CDH13: variants seen among roughly 807,000 people sequenced by gnomAD.
The protein encoded by CDH13 is cadherin-13.
CDH13 carries 24 observed loss-of-function variants against 63.8 expected under a neutral mutation model. That is an observed-to-expected ratio of 0.38 (90% CI 0.27 to 0.53). The LOEUF (loss-of-function observed/expected upper bound fraction) is 0.53, where lower values mean the gene tolerates loss of function less well. CDH13 is among the 20% of genes least tolerant of loss of function. The pLI is 0.85. For missense variants in CDH13, 1,049 were observed against 903.1 expected (o/e 1.16, Z -2.07); for synonymous variants, 503 against 355.3 (o/e 1.42, Z -4.67).
intron 2 of CDH13, among the ~76,000 whole-genome samples, chr16:82,876,202 A>G (rs76345428): frequency 0.043 from 6,544 of 152,290 alleles, 179 homozygotes; most frequent in Middle Eastern, 0.14. Context: ...AAACCATATC[A>G]TGTCCTACAG....
chr16:83,304,166 G>C (rs887927156), intron 5 of CDH13, among the ~76,000 whole-genome samples: 2 of 152,158 alleles, frequency 1.3e-5, no homozygotes, highest in African/African-American at 4.8e-5. Context: ...GTGAGGGCTG[G>C]ATTATGAAGA....
At chr16:83,294,403 A>G (rs952710558) in intron 5 of CDH13, among the ~76,000 whole-genome samples, 6 of 151,830 alleles carry the variant, frequency 4.0e-5, no homozygotes, top group Admixed American at 2.0e-4. Context: ...AATTCCCTGC[A>G]ACCACCCCAG....
At chr16:83,146,821 C>T (rs1051730422) in intron 4 of CDH13, among the ~76,000 whole-genome samples, 3 of 152,192 alleles carry the variant, frequency 2.0e-5, no homozygotes, top group Non-Finnish European at 2.9e-5. Context: ...AGCATGGTGG[C>T]TCACGCCTGT....
intron 5 of CDH13, among the ~76,000 whole-genome samples, chr16:83,335,645 G>A (rs1226167821): frequency 6.6e-6 from 1 of 152,116 alleles, no homozygotes; most frequent in East Asian, 1.9e-4. Flanking sequence ...CACACCCTGG[G>A]CCTTGTAGTT....
chr16:83,442,443 A>G (rs193144453), intron 6 of CDH13, among the ~76,000 whole-genome samples: 52 of 152,346 alleles, frequency 3.4e-4, no homozygotes, highest in African/African-American at 1.2e-3. Context: ...ATCCTTGGCC[A>G]GTATCTTTCT....
At chr16:83,243,888 T>A (rs1201843958) in intron 5 of CDH13, among the ~76,000 whole-genome samples, 3 of 152,186 alleles carry the variant, frequency 2.0e-5, no homozygotes, top group East Asian at 3.9e-4. Flanking sequence ...TAGATTTGGA[T>A]CTTTTAAAAG....
At chr16:82,733,178 C>T (rs1457709853) in intron 1 of CDH13, among the ~76,000 whole-genome samples, 1 of 152,196 alleles carries the variant, frequency 6.6e-6, no homozygotes, top group African/African-American at 2.4e-5. Flanking sequence ...TGTGTCCTCA[C>T]ATTGGCTGGC....
intron 2 of CDH13, among the ~76,000 whole-genome samples, chr16:82,960,989 G>T (rs966654132): frequency 6.6e-6 from 1 of 152,144 alleles, no homozygotes; most frequent in East Asian, 1.9e-4. Flanking sequence ...GTTCCACATT[G>T]GGTTCTGCCT....
At chr16:83,513,102 C>G (rs1049452858) in intron 7 of CDH13, among the ~76,000 whole-genome samples, 11 of 151,600 alleles carry the variant, frequency 7.3e-5, no homozygotes, top group African/African-American at 2.7e-4. Flanking sequence ...GAAAACAATT[C>G]AAGAATTGTC....
chr16:83,536,721 C>T (rs1315393348), intron 7 of CDH13, among the ~76,000 whole-genome samples: 1 of 152,078 alleles, frequency 6.6e-6, no homozygotes. Flanking sequence ...GAGAAATGTC[C>T]ACTAGGGGAC....
At chr16:83,347,941 C>T (rs2090873094) in intron 6 of CDH13, among the ~76,000 whole-genome samples, 1 of 152,122 alleles carries the variant, frequency 6.6e-6, no homozygotes, top group Non-Finnish European at 1.5e-5. Context: ...CCTGTAATCC[C>T]AGTACTTTGG....
At chr16:83,304,228 C>T (rs991530322) in intron 5 of CDH13, among the ~76,000 whole-genome samples, 1 of 152,004 alleles carries the variant, frequency 6.6e-6, no homozygotes, top group Non-Finnish European at 1.5e-5. Context: ...ACTGGGAACA[C>T]GCTGAAATAT....
At chr16:82,814,871 T>G (rs2037626297) in intron 1 of CDH13, among the ~76,000 whole-genome samples, 1 of 152,068 alleles carries the variant, frequency 6.6e-6, no homozygotes, top group Non-Finnish European at 1.5e-5. Context: ...TATCTCCAGG[T>G]AGATATTACT....
intron 7 of CDH13, among the ~76,000 whole-genome samples, chr16:83,570,759 ATTTATATATATGAAT>A (rs1567773413): frequency 1.3e-4 from 18 of 143,512 alleles, no homozygotes; most frequent in African/African-American, 4.3e-4. Context: ...AAAATTATAT[ATTTATATATATGAAT>A]AAAATATATT....
In CDH13 at chr16:83,014,758, ATATATATATATATATATG is replaced by A. The variant is rs1473708080; in HGVS notation, c.158-17238_158-17221del. Among the ~76,000 whole-genome samples, 225 of 51,788 alleles carry A rather than the reference ATATATATATATATATATG, an allele frequency of 4.3e-3. 12 individuals carry two copies. The highest frequency in any genetic ancestry group is 0.016 in the East Asian group (30 of 1,856). The allele number at this position is 51,788 out of a possible 152,430, so 34.0% of individuals were successfully genotyped here. A position where few individuals can be genotyped will look rare whatever the true frequency, so the allele number is the denominator to read the frequency against. On this transcript the variant is annotated intron_variant, in intron 2 of 13. Coordinates refer to ENST00000567109, the MANE Select transcript of CDH13 (RefSeq NM_001257.5). ...AAAAAAAAAAAATATATATATATAT[ATATATATATATATATATG>A]TATATATATATATTTGTATATATAT...
rs137959010 is a variant in CDH13 at position 83,268,008 on chromosome 16, G to A, written c.636+50511G>A. The stretch of plus-strand genomic sequence containing the variant: ...CTTTACTCATTTAGAGAAGTTTAGA[G>A]GAGGATACCTTCTTTGGCCACATGA... On this transcript the variant is annotated intron_variant, in intron 5 of 13. Transcript: ENST00000567109. Among the ~76,000 whole-genome samples the A allele has an allele frequency of 3.9e-5, 6 of 152,218 alleles. No homozygotes were observed. In the East Asian group the frequency reaches 7.7e-4, roughly 20 times the overall value.
intron 2 of CDH13, among the ~76,000 whole-genome samples, chr16:83,000,574 C>CTTTTTTTTTTTTTTTTT (rs561787532): frequency 3.9e-5 from 5 of 127,736 alleles, no homozygotes; most frequent in Admixed American, 8.1e-5. Context: ...TTTCTTTTCT[C>CTTTTTTTTTTTTTTTTT]TTTTTTTTTT....
intron 2 of CDH13, among the ~76,000 whole-genome samples, chr16:82,929,455 G>C (rs1442637849): frequency 6.6e-6 from 1 of 151,636 alleles, no homozygotes; most frequent in South Asian, 2.1e-4. Flanking sequence ...ATCCTGGCTA[G>C]ATGGTCTAGC....
At chr16:82,738,378 A>G (rs2033780656) in intron 1 of CDH13, among the ~76,000 whole-genome samples, 2 of 152,244 alleles carry the variant, frequency 1.3e-5, no homozygotes. Context: ...AAATGTGGAA[A>G]GCCCATCCCA....
Sources: gnomAD v4.1 joint callset for allele counts (sites outside exome capture counted in the v4.1 genomes callset) on GRCh38, gnomAD v4.1.1 for gene constraint, MANE v1.5 for transcripts, NCBI Gene and HGNC (gene_info 2026-07-23, HGNC 2026-07-21) for gene names.